The following PTPRR variants were observed in gnomAD, a reference collection of about 807,000 sequenced individuals.
PTPRR encodes receptor-type tyrosine-protein phosphatase R.
A neutral mutation model predicts 77.2 loss-of-function variants in PTPRR; 38 were observed. The observed-to-expected ratio is 0.49, with a 90% CI of 0.38 to 0.65. PTPRR has a LOEUF of 0.65. Ranked by LOEUF, PTPRR falls within the 30% of genes least tolerant of loss-of-function variation. The probability of loss-of-function intolerance (pLI) is 0.00; values close to 1 mark genes in which losing one functional copy is unlikely to be tolerated. For missense variants in PTPRR, 744 were observed against 799.2 expected (o/e 0.93, Z 0.83); for synonymous variants, 299 against 283.1 (o/e 1.06, Z -0.57).
chr12:70,877,881 G>T (rs528619099), intron 2 of PTPRR, among the ~76,000 whole-genome samples: 2 of 152,070 alleles, frequency 1.3e-5, no homozygotes, highest in Admixed American at 6.5e-5. Flanking sequence ...AAAACAGCAT[G>T]GTACTGGTAC....
intron 13 of PTPRR, among the ~76,000 whole-genome samples, chr12:70,640,724 G>A (rs964723419): frequency 6.6e-6 from 1 of 152,098 alleles, no homozygotes; most frequent in Non-Finnish European, 1.5e-5. Context: ...AAGATATCTT[G>A]TCTCACTGTA....
chr12:70,757,645 C>A (rs1890593600), intron 4 of PTPRR, among the ~76,000 whole-genome samples: 1 of 151,882 alleles, frequency 6.6e-6, no homozygotes, highest in African/African-American at 2.4e-5. Flanking sequence ...TATGAAAAAA[C>A]AATAAAAAAC....
At chr12:70,642,888 T>C (rs1886058682) in intron 13 of PTPRR, among the ~76,000 whole-genome samples, 1 of 152,316 alleles carries the variant, frequency 6.6e-6, no homozygotes, top group Admixed American at 6.5e-5. Flanking sequence ...CAGTGGCTCA[T>C]GCCTATAACC....
chr12:70,709,131 C>T (rs1012505968), intron 6 of PTPRR, among the ~76,000 whole-genome samples: 2 of 152,060 alleles, frequency 1.3e-5, no homozygotes, highest in African/African-American at 4.8e-5. Context: ...CCACTGTGAT[C>T]AAGTAGGCTT....
chr12:70,683,918 A>T (rs1451192192), intron 10 of PTPRR, among the ~76,000 whole-genome samples: 1 of 152,226 alleles, frequency 6.6e-6, no homozygotes, highest in African/African-American at 2.4e-5. Context: ...TTAGATATGT[A>T]TATGCCAAGT....
intron 2 of PTPRR, among the ~76,000 whole-genome samples, chr12:70,835,460 C>T (rs1892284109): frequency 6.6e-6 from 1 of 152,034 alleles, no homozygotes; most frequent in African/African-American, 2.4e-5. Flanking sequence ...GGTGACTGAG[C>T]AGAGAGATAT....
At chr12:70,794,554 C>T (rs903767623) in intron 2 of PTPRR, among the ~76,000 whole-genome samples, 3 of 152,140 alleles carry the variant, frequency 2.0e-5, no homozygotes, top group Non-Finnish European at 2.9e-5. Flanking sequence ...GAAGCCTTTA[C>T]GACATTTTGG....
chr12:70,844,421 C>T (rs1892449828), intron 2 of PTPRR, among the ~76,000 whole-genome samples: 1 of 152,036 alleles, frequency 6.6e-6, no homozygotes, highest in Admixed American at 6.6e-5. Flanking sequence ...AGTAGTCAAC[C>T]TATGATCAGT....
chr12:70,815,611 G>A (rs1390503762), intron 2 of PTPRR, among the ~76,000 whole-genome samples: 1 of 152,106 alleles, frequency 6.6e-6, no homozygotes, highest in African/African-American at 2.4e-5. Flanking sequence ...TACTTGGGGG[G>A]ACAGATTTAG....
intron 2 of PTPRR, among the ~76,000 whole-genome samples, chr12:70,853,514 C>A (rs1892604691): frequency 6.6e-6 from 1 of 152,226 alleles, no homozygotes; most frequent in Non-Finnish European, 1.5e-5. Flanking sequence ...GGCCCTTGCC[C>A]AACCATATGT....
intron 2 of PTPRR, among the ~76,000 whole-genome samples, chr12:70,890,397 G>A (rs1342508804): frequency 2.6e-5 from 4 of 152,096 alleles, no homozygotes; most frequent in South Asian, 2.1e-4. Context: ...AATGCTTTGC[G>A]GTGGCAATTG....
intron 2 of PTPRR, among the ~76,000 whole-genome samples, chr12:70,814,881 A>G (rs554305862): frequency 3.9e-5 from 6 of 152,334 alleles, no homozygotes; most frequent in African/African-American, 1.4e-4. Context: ...ATTTGAAGGC[A>G]TAAAAATATT....
chr12:70,654,204 ATCT>A (rs1886494264), intron 13 of PTPRR, among the ~76,000 whole-genome samples: 1 of 152,176 alleles, frequency 6.6e-6, no homozygotes, highest in Non-Finnish European at 1.5e-5. Context: ...TTTCAGAATA[ATCT>A]TCTTGTCTTT....
At chr12:70,678,449 AT>A (rs140855742) in intron 10 of PTPRR, among the ~76,000 whole-genome samples, 33 of 151,250 alleles carry the variant, frequency 2.2e-4, no homozygotes, top group African/African-American at 7.5e-4. Flanking sequence ...GAATTTATTC[AT>A]TTTTTTTTAG....
rs1450076466 is a variant in PTPRR, at chr12:70,662,518, T to A, written c.1585A>T (p.Thr529Ser). 3 of 1,607,232 alleles carry A rather than the reference T, an allele frequency of 1.9e-6. No homozygotes were observed. The South Asian group carries it at 3.3e-5, about 18-fold the overall frequency. ...VISVNECDNY[T>S]IRNLVLKQGS... is the part of the protein sequence containing the mutation. Reference sequence around the variant, plus strand: ...ACCTTTAAGACAAGGTTTCGAATGGTGTAGTTATCACATTCATTTACACTG... The same window carrying A: ...ACCTTTAAGACAAGGTTTCGAATGGAGTAGTTATCACATTCATTTACACTG... Residue 529 changes from threonine to serine, a missense_variant, in exon 11 of 14, where the codon ACC becomes TCC. This residue lies in a region of PTPRR where 170 missense variants were observed against 209.8 expected (regional missense o/e 0.81). Transcript: ENST00000283228.
chr12:70,758,611 T>A (rs370777703), intron 4 of PTPRR, among the ~76,000 whole-genome samples: 1 of 151,564 alleles, frequency 6.6e-6, no homozygotes, highest in Non-Finnish European at 1.5e-5. Context: ...GCCTTGACTG[T>A]GGGAATGGGG....
At chr12:70,810,187 T>C (rs1347711495) in intron 2 of PTPRR, among the ~76,000 whole-genome samples, 4 of 152,122 alleles carry the variant, frequency 2.6e-5, no homozygotes, top group Non-Finnish European at 5.9e-5. Flanking sequence ...AGAGCTACCC[T>C]GAAGTTATTT....
intron 6 of PTPRR, among the ~76,000 whole-genome samples, chr12:70,737,691 T>C (rs1277186920): frequency 6.6e-6 from 1 of 152,080 alleles, no homozygotes; most frequent in African/African-American, 2.4e-5. Context: ...GGCTAATTTG[T>C]TAAAAAATTT....
intron 6 of PTPRR, among the ~76,000 whole-genome samples, chr12:70,727,418 A>T (rs1156312434): frequency 6.6e-6 from 1 of 152,158 alleles, no homozygotes; most frequent in Non-Finnish European, 1.5e-5. Flanking sequence ...TATAAGAATT[A>T]AAAAAACCAG....
Sources: allele counts gnomAD v4.1 joint callset (sites outside exome capture counted in the v4.1 genomes callset), GRCh38; gene constraint gnomAD v4.1.1; regional missense constraint gnomAD v4.1.1; transcripts MANE v1.5; gene names NCBI Gene and HGNC (gene_info 2026-07-23, HGNC 2026-07-21).